The following GDI2 variants were observed in gnomAD, a reference collection of about 807,000 sequenced individuals.
GDI2 encodes rab GDP dissociation inhibitor beta.
A neutral mutation model predicts 54.2 loss-of-function variants in GDI2; 22 were observed. The ratio of observed to expected loss-of-function variants is 0.41; its 90% CI spans 0.29 to 0.58. The LOEUF is 0.58. Among genes scored for constraint, GDI2 ranks in the 20% least tolerant of loss-of-function variants. The pLI is 0.35. For missense variants in GDI2, 422 were observed against 546.0 expected (o/e 0.77, Z 2.26); for synonymous variants, 177 against 182.1 (o/e 0.97, Z 0.23).
chr10:5,790,846 C>A (rs1351955774), intron 4 of GDI2, among the ~76,000 whole-genome samples: 1 of 152,126 alleles, frequency 6.6e-6, no homozygotes, highest in Non-Finnish European at 1.5e-5. Context: ...GGTATTTTGA[C>A]CTCCTCCCAT....
At chr10:5,773,001 A>T (rs1227628726) in intron 7 of GDI2, among the ~76,000 whole-genome samples, 1 of 152,182 alleles carries the variant, frequency 6.6e-6, no homozygotes, top group African/African-American at 2.4e-5. Context: ...TGTAAGGAAT[A>T]AATGAGTTTG....
intron 4 of GDI2, among the ~76,000 whole-genome samples, chr10:5,789,692 A>G (rs1387819638): frequency 1.3e-5 from 2 of 152,214 alleles, no homozygotes; most frequent in African/African-American, 2.4e-5. Flanking sequence ...ATATATGTAG[A>G]TATTATTTAC....
chr10:5,810,958 A>T (rs988998503), intron 1 of GDI2, among the ~76,000 whole-genome samples: 1 of 152,234 alleles, frequency 6.6e-6, no homozygotes, highest in Non-Finnish European at 1.5e-5. Context: ...TTTAAAAGTA[A>T]CAAGTTCCTA....
At chr10:5,796,285 G>T (rs1841146141) in intron 3 of GDI2, among the ~76,000 whole-genome samples, 1 of 150,680 alleles carries the variant, frequency 6.6e-6, no homozygotes, top group Non-Finnish European at 1.5e-5. Flanking sequence ...GAAGGCGGAG[G>T]TTGTAGTGAG....
intron 2 of GDI2, among the ~76,000 whole-genome samples, chr10:5,797,543 CAAAAAAAAAAA>C (rs772570487): frequency 2.2e-5 from 1 of 45,356 alleles, no homozygotes; most frequent in Non-Finnish European, 3.8e-5. Context: ...GACTCCATCT[CAAAAAAAAAAA>C]AAAAAAAAAA....
At chr10:5,801,362 C>T (rs969713563) in intron 1 of GDI2, among the ~76,000 whole-genome samples, 1 of 152,172 alleles carries the variant, frequency 6.6e-6, no homozygotes, top group African/African-American at 2.4e-5. Flanking sequence ...CAGTCTTCAT[C>T]GCCAGGCATT....
rs146377408 is a variant in GDI2 at position 5,795,264 on chromosome 10, G to C, written c.254-245C>G. On this transcript the variant is annotated intron_variant, in intron 3 of 10. Coordinates refer to ENST00000380191, the MANE Select transcript of GDI2 (RefSeq NM_001494.4). ...CCAGCCTGACGCTCCTGAGTACCTG[G>C]CACTACTATGCCTGGCTAATTTTTT... 6.4e-3 allele frequency among the ~76,000 whole-genome samples: 978 copies of C among 152,166 alleles called. 36 individuals carry two copies. The highest frequency in any genetic ancestry group is 9.3e-3 in the East Asian group (48 of 5,158).
rs777093827 is a variant in GDI2 at position 5,768,295 on chromosome 10, G to T, written c.909C>A (p.Ile303=). The T allele has an allele frequency of 2.5e-6, 4 of 1,610,276 alleles. No homozygotes were observed. In the African/African-American group the frequency reaches 5.3e-5, roughly 21 times the overall value. ...TGGTGTTCTTGATGGGGTGGCTGAG[G>T]ATGCAAATAACTCTGATCACCTGGC... ...KVGQVIRVIC[I]LSHPIKNTND... is the part of the protein sequence containing the mutation. Residue 303 remains isoleucine (I), a synonymous_variant, in exon 8 of 11, where the codon ATC becomes ATA. Transcript: ENST00000380191. The surrounding 1 kb of genome is among the most constrained non-coding windows in gnomAD (Gnocchi z 4.4).
At chr10:5,805,932 A>C (rs1588989844) in intron 1 of GDI2, among the ~76,000 whole-genome samples, 1 of 152,354 alleles carries the variant, frequency 6.6e-6, no homozygotes, top group Non-Finnish European at 1.5e-5. Context: ...CTGAATGACT[A>C]TACCACAATT....
At chr10:5,780,459 T>C (rs1405205649) in intron 6 of GDI2, among the ~76,000 whole-genome samples, 1 of 152,152 alleles carries the variant, frequency 6.6e-6, no homozygotes. Flanking sequence ...ATAAAAGTTA[T>C]AAAAGAAGAA....
intron 3 of GDI2, among the ~76,000 whole-genome samples, chr10:5,795,271 T>C (rs913510068): frequency 2.6e-5 from 4 of 152,040 alleles, no homozygotes; most frequent in African/African-American, 9.7e-5. Flanking sequence ...CTGGCACTAC[T>C]ATGCCTGGCT....
chr10:5,765,709 T>C lies in GDI2; in HGVS notation c.*297A>G. 1 of 309,992 alleles carries C rather than the reference T, an allele frequency of 3.2e-6. No homozygotes were observed. The highest frequency in any genetic ancestry group is 5.0e-5 in the Admixed American group (1 of 20,044). 19.2% of individuals were successfully genotyped at this position (309,992 alleles called of 1,614,324 possible). A position where few individuals can be genotyped will look rare whatever the true frequency, so the allele number is the denominator to read the frequency against. ...GCACATAGCTACACTGATTAAAAGATTAAAAAAACTGTCTCAAGTTGTCTG... is the reference window on the plus strand; with the variant it reads ...GCACATAGCTACACTGATTAAAAGACTAAAAAAACTGTCTCAAGTTGTCTG... On this transcript the variant is annotated 3_prime_UTR_variant, in exon 11 of 11. Transcript: ENST00000380191.
intron 1 of GDI2, among the ~76,000 whole-genome samples, chr10:5,804,196 C>A (rs912505444): frequency 1.8e-4 from 27 of 151,956 alleles, no homozygotes; most frequent in African/African-American, 6.5e-4. Context: ...CAGGTTCAAG[C>A]TATTCTCCTG....
At chr10:5,812,672 C>T (rs1490507153) in intron 1 of GDI2, among the ~76,000 whole-genome samples, 1 of 152,216 alleles carries the variant, frequency 6.6e-6, no homozygotes, top group Non-Finnish European at 1.5e-5. Flanking sequence ...TCCACGTTTT[C>T]GCCAAAAATA....
chr10:5,776,838 T>G lies in GDI2; in HGVS notation c.720-2897A>C, dbSNP rs1840632761. 7.5e-7 allele frequency: 1 copy of G among 1,329,868 alleles called. No individual in the cohort carries two copies. The allele number at this position is 1,329,868 out of a possible 1,614,324, so 82.4% of individuals were successfully genotyped here. A position where few individuals can be genotyped will look rare whatever the true frequency, so the allele number is the denominator to read the frequency against. ...CTTCCCCTTATGGAGCTGAGGATAT[T>G]CTGAAAGGATTTATGAATAATTAAA... On this transcript the variant is annotated intron_variant, in intron 6 of 10. Transcript: ENST00000380191. This position sits in a 1 kb window ranked among gnomAD's most constrained non-coding sequence, Gnocchi z 5.3.
chr10:5,798,579 A>T (rs1317421589), intron 2 of GDI2, among the ~76,000 whole-genome samples: 1 of 146,644 alleles, frequency 6.8e-6, no homozygotes, highest in African/African-American at 2.5e-5. Flanking sequence ...ACAGAGAAAG[A>T]CTCCATCTCA....
intron 1 of GDI2, among the ~76,000 whole-genome samples, chr10:5,812,204 TA>T (rs202220456): frequency 0.38 from 53,664 of 139,946 alleles, 9,630 homozygotes; most frequent in Admixed American, 0.4. Flanking sequence ...GATGAACATT[TA>T]AAAAAAAAAA....
In GDI2 at chr10:5,768,058, C is replaced by G. The variant is rs1204643313; in HGVS notation, c.991+155G>C. On this transcript the variant is annotated intron_variant, in intron 8 of 10. Transcript: ENST00000380191. This position sits in a 1 kb window ranked among gnomAD's most constrained non-coding sequence, Gnocchi z 4.4. ...ATCTGTCCGCGTTGACACAATGCTG[C>G]CGGAGCAGGAGGAGGTACAAAGATT... is the stretch of plus-strand genomic sequence containing the variant. 6.7e-6 allele frequency among the ~76,000 whole-genome samples: 1 copy of G among 150,168 alleles called. No homozygotes were observed. Among genetic ancestry groups the G allele is most frequent in the Admixed American group, 6.7e-5 (1 of 14,880 alleles).
At chr10:5,796,395 A>T (rs974136497) in intron 3 of GDI2, among the ~76,000 whole-genome samples, 4 of 152,310 alleles carry the variant, frequency 2.6e-5, no homozygotes, top group African/African-American at 7.2e-5. Context: ...AAAATTAAAA[A>T]AATGTGAAAA....
Sources: gnomAD v4.1 joint callset for allele counts (sites outside exome capture counted in the v4.1 genomes callset) on GRCh38, gnomAD v4.1.1 for gene constraint, Gnocchi (gnomAD v3.1) non-coding constraint, MANE v1.5 for transcripts, NCBI Gene and HGNC (gene_info 2026-07-23, HGNC 2026-07-21) for gene names.